The following KRTAP4-2 variants were observed in gnomAD, a reference collection of about 807,000 sequenced individuals.
KRTAP4-2 encodes keratin-associated protein 4-2.
For missense variants in KRTAP4-2, 178 were observed against 177.3 expected (o/e 1.00, Z -0.02); for synonymous variants, 56 against 63.5 (o/e 0.88, Z 0.56).
Position 41,177,812 on chromosome 17 carries a change from G to T in KRTAP4-2, c.353C>A (p.Pro118His), listed in dbSNP as rs1210550873. 6.2e-7 allele frequency: 1 copy of T among 1,612,722 alleles called. No homozygotes were observed. Among genetic ancestry groups the T allele is most frequent in the Non-Finnish European group, 8.5e-7 (1 of 1,179,762 alleles). ...GCAGCAGGTGGACACACAGCAGCTG[G>T]GGCGGTAGCAGGTGGTCCTGCAGCA... is the stretch of plus-strand genomic sequence containing the variant. ...TTCCRTTCYR[P>H]SCCVSTCCRP... The change falls in exon 1 of 1, where the codon CCC becomes CAC. Residue 118 changes from proline to histidine, a missense_variant. By Grantham distance (77) the Pro-to-His change is moderately conservative (BLOSUM62 -2). Transcript: ENST00000377726.
In KRTAP4-2 at chr17:41,177,918, A is replaced by G; in HGVS notation, c.247T>C (p.Ser83Pro). 2 of 1,594,626 alleles carry G rather than the reference A, an allele frequency of 1.3e-6. No homozygotes were observed. The highest frequency in any genetic ancestry group is 1.7e-6 in the Non-Finnish European group (2 of 1,169,358). Residue 83 changes from serine (S) to proline (P), a missense_variant, in exon 1 of 1, where the codon TCC (serine) becomes CCC (proline). Transcript: ENST00000377726. The part of the protein sequence containing the change: ...TTCCRPSCCV[S>P]SCFRPQCCQS... ...CAGCACTGGGGTCTGAAGCAGCTGG[A>G]CACACAGCAGCTGGGACGGCAGCAG...
rs1300038068 is a variant in KRTAP4-2, at chr17:41,177,519, A to C, written c.*235T>G. ...CTCCATGTGATAAATTATGGTAGAGAGCAAATATTTCAATTCAGGGAACAT... is the reference window on the plus strand; with the variant it reads ...CTCCATGTGATAAATTATGGTAGAGCGCAAATATTTCAATTCAGGGAACAT... On this transcript the variant is annotated 3_prime_UTR_variant, in exon 1 of 1. Coordinates refer to ENST00000377726, the MANE Select transcript of KRTAP4-2 (RefSeq NM_033062.4). The C allele has an allele frequency of 3.1e-6, 2 of 647,908 alleles. No individual in the cohort carries two copies. The highest frequency in any genetic ancestry group is 2.6e-6 in the Non-Finnish European group (1 of 388,380). The allele number at this position is 647,908 out of a possible 1,614,324, so 40.1% of individuals were successfully genotyped here.
In KRTAP4-2 at chr17:41,177,992, G is replaced by T. The variant is rs751220207; in HGVS notation, c.173C>A (p.Pro58His). ...GCAGCAGCTGGGGCTGCAGCAGGTG[G>T]GCTGGCAGCACACAGACTGGCAGCA... is the stretch of plus-strand genomic sequence containing the variant. ...PQCCQSVCCQ[P>H]TCCSPSCCQT... The change falls in exon 1 of 1, where the codon CCC (proline) becomes CAC (histidine). Residue 58 changes from proline to histidine, a missense_variant. Pro to His is a moderately conservative substitution (Grantham distance 77, BLOSUM62 -2). Coordinates refer to ENST00000377726, the MANE Select transcript of KRTAP4-2 (RefSeq NM_033062.4). 1 of 1,603,854 alleles carries T rather than the reference G, an allele frequency of 6.2e-7. No individual in the cohort carries two copies. Among genetic ancestry groups the T allele is most frequent in the South Asian group, 1.1e-5 (1 of 90,780 alleles).
In KRTAP4-2 at chr17:41,177,653, T is replaced by C. The variant is rs2015163286; in HGVS notation, c.*101A>G. 6.5e-7 allele frequency: 1 copy of C among 1,527,632 alleles called. No homozygotes were observed. Among genetic ancestry groups the C allele is most frequent in the African/African-American group, 1.4e-5 (1 of 72,980 alleles). The allele number at this position is 1,527,632 out of a possible 1,614,324, so 94.6% of individuals were successfully genotyped here. On this transcript the variant is annotated 3_prime_UTR_variant, in exon 1 of 1. Transcript: ENST00000377726. Reference sequence around the variant, plus strand: ...AGGCCAAACTCAATCCAAGAATTGGTTGGAACTGAGGTTGTCCAATTGGCC... The same window carrying C: ...AGGCCAAACTCAATCCAAGAATTGGCTGGAACTGAGGTTGTCCAATTGGCC...
In KRTAP4-2 at chr17:41,178,188, G is replaced by C. The variant is rs1288860553; in HGVS notation, c.-24C>G. The C allele has an allele frequency of 2.5e-6, 4 of 1,595,770 alleles. No individual in the cohort carries two copies. The highest frequency in any genetic ancestry group is 1.1e-5 in the South Asian group (1 of 88,428). On this transcript the variant is annotated 5_prime_UTR_variant, in exon 1 of 1. Coordinates refer to ENST00000377726, the MANE Select transcript of KRTAP4-2 (RefSeq NM_033062.4). ...ATGGTGTCAGAGGGTGGAGGTTCTG[G>C]GTGGATTTCCAGGAAGGTGGGTTTG...
Position 41,178,089 on chromosome 17 carries a change from A to G in KRTAP4-2, c.76T>C (p.Cys26Arg). The change falls in exon 1 of 1, where the codon TGC becomes CGC. Residue 26 changes from cysteine to arginine, a missense_variant. By Grantham distance (180) the Cys-to-Arg change is radical (BLOSUM62 -3). Coordinates refer to ENST00000377726, the MANE Select transcript of KRTAP4-2 (RefSeq NM_033062.4). ...GLENCCRPSC[C>R]QTTCCRTTCC... Reference sequence around the variant, plus strand: ...GTGGTCCTGCAGCAGGTGGTCTGGCAGCAGCTGGGACGGCAGCAGTTCTCT... The same window carrying G: ...GTGGTCCTGCAGCAGGTGGTCTGGCGGCAGCTGGGACGGCAGCAGTTCTCT... 1 of 1,613,906 alleles carries G rather than the reference A, an allele frequency of 6.2e-7. No homozygotes were observed. Among genetic ancestry groups the G allele is most frequent in the South Asian group, 1.1e-5 (1 of 91,070 alleles).
Position 41,177,806 on chromosome 17 carries a change from C to T in KRTAP4-2, c.359G>A (p.Cys120Tyr), listed in dbSNP as rs1295308840. The change falls in exon 1 of 1, where the codon TGC (cysteine) becomes TAC (tyrosine). Residue 120 changes from cysteine (C) to tyrosine (Y), a missense_variant. By Grantham distance (194) the Cys-to-Tyr change is radical. Coordinates refer to ENST00000377726, the MANE Select transcript of KRTAP4-2 (RefSeq NM_033062.4). ...TGGGCGGCAGCAGGTGGACACACAG[C>T]AGCTGGGGCGGTAGCAGGTGGTCCT... ...CCRTTCYRPS[C>Y]CVSTCCRPTC... is the part of the protein sequence containing the mutation. The T allele has an allele frequency of 6.2e-7, 1 of 1,613,908 alleles. No homozygotes were observed. Among genetic ancestry groups the T allele is most frequent in the Non-Finnish European group, 8.5e-7 (1 of 1,179,964 alleles).
At position 41,178,105 on chromosome 17, in the gene KRTAP4-2, G is replaced by A. The variant is rs774831250; in HGVS notation, c.60C>T (p.Cys20=). 2.5e-6 allele frequency: 4 copies of A among 1,614,068 alleles called. No individual in the cohort carries two copies. Among genetic ancestry groups the A allele is most frequent in the Non-Finnish European group, 3.4e-6 (4 of 1,180,018 alleles). The change falls in exon 1 of 1, where the codon TGC becomes TGT. Residue 20 remains cysteine (C), a synonymous_variant. Transcript: ENST00000377726. The stretch of plus-strand genomic sequence containing the variant: ...TGGTCTGGCAGCAGCTGGGACGGCA[G>A]CAGTTCTCTAGGCCACAGCCCTGGT... ...CSDQGCGLEN[C]CRPSCCQTTC...
At position 41,177,812 on chromosome 17, in the gene KRTAP4-2, G is replaced by A. The variant is rs1210550873; in HGVS notation, c.353C>T (p.Pro118Leu). ...GCAGCAGGTGGACACACAGCAGCTG[G>A]GGCGGTAGCAGGTGGTCCTGCAGCA... ...TTCCRTTCYR[P>L]SCCVSTCCRP... is the part of the protein sequence containing the mutation. The change falls in exon 1 of 1, where the codon CCC becomes CTC. Residue 118 changes from proline (P) to leucine (L), a missense_variant. Physicochemically the swap from Pro to Leu is moderately conservative, Grantham distance 98. Coordinates refer to ENST00000377726, the MANE Select transcript of KRTAP4-2 (RefSeq NM_033062.4). The A allele has an allele frequency of 6.2e-6, 10 of 1,612,722 alleles. No individual in the cohort carries two copies. In the East Asian group the frequency reaches 2.0e-4, roughly 32 times the overall value.
chr17:41,177,677 C>T lies in KRTAP4-2; in HGVS notation c.*77G>A. 1 of 1,560,192 alleles carries T rather than the reference C, an allele frequency of 6.4e-7. No homozygotes were observed. Among genetic ancestry groups the T allele is most frequent in the Non-Finnish European group, 8.7e-7 (1 of 1,151,108 alleles). The stretch of plus-strand genomic sequence containing the variant: ...GTTGGAACTGAGGTTGTCCAATTGG[C>T]CTTGCATGATTCAGTTCACAGGTGG... On this transcript the variant is annotated 3_prime_UTR_variant, in exon 1 of 1. Transcript: ENST00000377726.
In KRTAP4-2 at chr17:41,177,753, A is replaced by G; in HGVS notation, c.*1T>C. On this transcript the variant is annotated 3_prime_UTR_variant, in exon 1 of 1. Transcript: ENST00000377726. ...AAGGCAGGTGAGTATAGGTGAGGGC[A>G]TCAGCAGCAAGAGCCACTAGAGCAG... 2.5e-6 allele frequency: 4 copies of G among 1,613,008 alleles called. No individual in the cohort carries two copies. The highest frequency in any genetic ancestry group is 2.5e-6 in the Non-Finnish European group (3 of 1,179,462).
chr17:41,177,580 A>C lies in KRTAP4-2; in HGVS notation c.*174T>G. On this transcript the variant is annotated 3_prime_UTR_variant, in exon 1 of 1. Coordinates refer to ENST00000377726, the MANE Select transcript of KRTAP4-2 (RefSeq NM_033062.4). ...TATTTCAGAGAAAATTCAAACTTGT[A>C]TTCATTTGGTAGAGGGTAGCAACAT... 1 of 989,620 alleles carries C rather than the reference A, an allele frequency of 1.0e-6. No individual in the cohort carries two copies. Among genetic ancestry groups the C allele is most frequent in the Non-Finnish European group, 1.5e-6 (1 of 672,610 alleles). The allele number at this position is 989,620 out of a possible 1,614,324, so 61.3% of individuals were successfully genotyped here.
chr17:41,178,022 G>C lies in KRTAP4-2; in HGVS notation c.143C>G (p.Pro48Arg). 3 of 1,606,142 alleles carry C rather than the reference G, an allele frequency of 1.9e-6. No homozygotes were observed. The South Asian group carries it at 3.3e-5, about 18-fold the overall frequency. The change falls in exon 1 of 1, where the codon CCG (proline) becomes CGG (arginine). Residue 48 changes from proline to arginine, a missense_variant. Coordinates refer to ENST00000377726, the MANE Select transcript of KRTAP4-2 (RefSeq NM_033062.4). ...GCAGCACACAGACTGGCAGCACTGC[G>C]GTCTGCAGCAGCTGGACACACAGCA... ...PSCCVSSCCR[P>R]QCCQSVCCQP...
At position 41,178,040 on chromosome 17, in the gene KRTAP4-2, A is replaced by T. The variant is rs1413748077; in HGVS notation, c.125T>A (p.Val42Glu). Residue 42 changes from valine (V) to glutamate (E), a missense_variant, in exon 1 of 1, where the codon GTG becomes GAG. By Grantham distance (121) the Val-to-Glu change is moderately radical. Coordinates refer to ENST00000377726, the MANE Select transcript of KRTAP4-2 (RefSeq NM_033062.4). ...GCACTGCGGTCTGCAGCAGCTGGAC[A>T]CACAGCAGCTGGGGCGGCAGCAGGT... is the stretch of plus-strand genomic sequence containing the variant. ...RTTCCRPSCC[V>E]SSCCRPQCCQ... 1 of 1,612,782 alleles carries T rather than the reference A, an allele frequency of 6.2e-7. No homozygotes were observed. Among genetic ancestry groups the T allele is most frequent in the African/African-American group, 1.3e-5 (1 of 74,770 alleles).
rs1355763252 is a variant in KRTAP4-2, at chr17:41,177,970, G to A, written c.195C>T (p.Cys65=). Residue 65 remains cysteine (C), a synonymous_variant, in exon 1 of 1, where the codon TGC becomes TGT. Transcript: ENST00000377726. ...CCQPTCCSPS[C]CQTTCCRTTC... is the part of the protein sequence containing the mutation. The stretch of plus-strand genomic sequence containing the variant: ...TGGTCCTGCAGCAAGTGGTCTGGCA[G>A]CAGCTGGGGCTGCAGCAGGTGGGCT... 6.2e-7 allele frequency: 1 copy of A among 1,604,262 alleles called. No homozygotes were observed. Among genetic ancestry groups the A allele is most frequent in the East Asian group, 2.2e-5 (1 of 44,798 alleles).
rs368359819 is a variant in KRTAP4-2 at position 41,177,716 on chromosome 17, T to C, written c.*38A>G. On this transcript the variant is annotated 3_prime_UTR_variant, in exon 1 of 1. Coordinates refer to ENST00000377726, the MANE Select transcript of KRTAP4-2 (RefSeq NM_033062.4). ...GTTCACAGGTGGATCATATCAAGAA[T>C]GCTGGTTAATAAAGGCAGGTGAGTA... 18 of 1,596,974 alleles carry C rather than the reference T, an allele frequency of 1.1e-5. No homozygotes were observed. Among genetic ancestry groups the C allele is most frequent in the Non-Finnish European group, 1.5e-5 (17 of 1,170,356 alleles).
At position 41,177,704 on chromosome 17, in the gene KRTAP4-2, T is replaced by C. The variant is rs377518; in HGVS notation, c.*50A>G. 1,476,907 of 1,585,522 alleles carry C rather than the reference T, an allele frequency of 0.93. 688,117 individuals are homozygous for C. The highest frequency in any genetic ancestry group is 0.97 in the South Asian group (82,640 of 85,262). ...TTGCATGATTCAGTTCACAGGTGGA[T>C]CATATCAAGAATGCTGGTTAATAAA... On this transcript the variant is annotated 3_prime_UTR_variant, in exon 1 of 1. Transcript: ENST00000377726.
chr17:41,177,917 GAC>G lies in KRTAP4-2; in HGVS notation c.246_247del (p.Ser83GlnfsTer49). The G allele has an allele frequency of 1.3e-6, 2 of 1,594,954 alleles. No homozygotes were observed. Among genetic ancestry groups the G allele is most frequent in the Non-Finnish European group, 1.7e-6 (2 of 1,169,468 alleles). ...GCAGCACTGGGGTCTGAAGCAGCTG[GAC>G]ACACAGCAGCTGGGACGGCAGCAGG... On this transcript the variant is annotated frameshift_variant, in exon 1 of 1. Coordinates refer to ENST00000377726, the MANE Select transcript of KRTAP4-2 (RefSeq NM_033062.4). LOFTEE classifies it low-confidence loss of function (END_TRUNC).
chr17:41,177,608 T>A lies in KRTAP4-2; in HGVS notation c.*146A>T. 8.0e-7 allele frequency: 1 copy of A among 1,249,386 alleles called. No homozygotes were observed. Among genetic ancestry groups the A allele is most frequent in the Non-Finnish European group, 1.1e-6 (1 of 891,080 alleles). 77.4% of individuals were successfully genotyped at this position (1,249,386 alleles called of 1,614,324 possible). A position where few individuals can be genotyped will look rare whatever the true frequency, so the allele number is the denominator to read the frequency against. The stretch of plus-strand genomic sequence containing the variant: ...CATTTGGTAGAGGGTAGCAACATAG[T>A]GTTTGGTGAGCATATTTGGAGGCCA... On this transcript the variant is annotated 3_prime_UTR_variant, in exon 1 of 1. Coordinates refer to ENST00000377726, the MANE Select transcript of KRTAP4-2 (RefSeq NM_033062.4).
Sources: gnomAD v4.1 joint callset for allele counts on GRCh38, gnomAD v4.1.1 for gene constraint, MANE v1.5 for transcripts, NCBI Gene and HGNC (gene_info 2026-07-23, HGNC 2026-07-21) for gene names.